Variants in EPHA6 observed in about 807,000 individuals in gnomAD.
EPHA6 encodes the protein EPH receptor A6.
A neutral mutation model predicts 112.0 loss-of-function variants in EPHA6; 50 were observed. The observed-to-expected ratio is 0.45, with a 90% CI of 0.36 to 0.56. The LOEUF (loss-of-function observed/expected upper bound fraction) is 0.56, where lower values mean the gene tolerates loss of function less well. Ranked by LOEUF, EPHA6 falls within the 20% of genes least tolerant of loss-of-function variation. The pLI, the probability that EPHA6 is intolerant of heterozygous loss-of-function variation, is 0.00. For missense variants in EPHA6, 1,280 were observed against 1,417.4 expected, an observed-to-expected ratio of 0.90 and a Z score of 1.56; for synonymous variants, 529 against 490.7, an observed-to-expected ratio of 1.08 and a Z score of -1.03.
intron 2 of EPHA6, among the ~76,000 whole-genome samples, chr3:96,909,262 A>G (rs2039092607): frequency 6.6e-6 from 1 of 151,986 alleles, no homozygotes; most frequent in African/African-American, 2.4e-5. Context: ...TACCTCTTAG[A>G]TAAGTAAGCA....
At chr3:97,253,338 G>C (rs975415610) in intron 5 of EPHA6, among the ~76,000 whole-genome samples, 2 of 152,070 alleles carry the variant, frequency 1.3e-5, no homozygotes, top group African/African-American at 4.8e-5. Context: ...AGTAATGAAA[G>C]ATTAAAAACA....
intron 14 of EPHA6, chr3:97,648,313 C>A: frequency 7.2e-7 from 1 of 1,381,502 alleles, no homozygotes; most frequent in Non-Finnish European, 1.0e-6. Context: ...AACACTTAAC[C>A]TCTGCTATTC....
intron 3 of EPHA6, among the ~76,000 whole-genome samples, chr3:97,084,404 CCT>C (rs1440728514): frequency 6.6e-6 from 1 of 151,620 alleles, no homozygotes; most frequent in Non-Finnish European, 1.5e-5. Flanking sequence ...AACACAGACT[CCT>C]CTCTATAACT....
intron 2 of EPHA6, among the ~76,000 whole-genome samples, chr3:96,883,013 A>G (rs1212629551): frequency 1.3e-5 from 2 of 152,122 alleles, no homozygotes; most frequent in African/African-American, 2.4e-5. Flanking sequence ...ACTGTTTTCC[A>G]TAGCAATTGT....
chr3:96,984,822 G>T (rs1489690057), intron 2 of EPHA6, among the ~76,000 whole-genome samples: 1 of 152,210 alleles, frequency 6.6e-6, no homozygotes, highest in Non-Finnish European at 1.5e-5. Context: ...AATGAGCAAG[G>T]CTCCGTGGGC....
chr3:97,427,706 A>G (rs1309058698), intron 6 of EPHA6, among the ~76,000 whole-genome samples: 1 of 152,140 alleles, frequency 6.6e-6, no homozygotes, highest in Non-Finnish European at 1.5e-5. Context: ...AAAATGTGGT[A>G]CATATACACC....
At chr3:97,081,324 T>C (rs1393144345) in intron 3 of EPHA6, among the ~76,000 whole-genome samples, 1 of 151,912 alleles carries the variant, frequency 6.6e-6, no homozygotes, top group Non-Finnish European at 1.5e-5. Flanking sequence ...AAAAGGATTT[T>C]ATAAATTATT....
At chr3:97,026,615 A>G (rs1248186248) in intron 3 of EPHA6, among the ~76,000 whole-genome samples, 2 of 145,208 alleles carry the variant, frequency 1.4e-5, no homozygotes, top group Admixed American at 1.3e-4. Context: ...ACAACCCCAT[A>G]AAAAATTAGG....
intron 16 of EPHA6, among the ~76,000 whole-genome samples, chr3:97,742,404 T>C (rs1236648499): frequency 6.6e-6 from 1 of 152,186 alleles, no homozygotes; most frequent in African/African-American, 2.4e-5. Flanking sequence ...GGAAATTCTT[T>C]ATAAGTATTA....
At chr3:97,506,417 C>T (rs2092254545) in intron 10 of EPHA6, among the ~76,000 whole-genome samples, 1 of 152,176 alleles carries the variant, frequency 6.6e-6, no homozygotes, top group African/African-American at 2.4e-5. Context: ...CCAGTTTTCC[C>T]AACACCATTT....
intron 5 of EPHA6, among the ~76,000 whole-genome samples, chr3:97,330,097 T>A (rs1488989810): frequency 1.3e-5 from 2 of 152,006 alleles, no homozygotes; most frequent in African/African-American, 4.8e-5. Context: ...TTTCTTGTTT[T>A]TGTCAGGTTT....
At chr3:97,312,921 A>C (rs1453856696) in intron 5 of EPHA6, among the ~76,000 whole-genome samples, 1 of 151,518 alleles carries the variant, frequency 6.6e-6, no homozygotes, top group Non-Finnish European at 1.5e-5. Context: ...TGTAGTGAGA[A>C]TATTAAAAAT....
At chr3:97,521,591 G>A (rs1174682847) in intron 10 of EPHA6, among the ~76,000 whole-genome samples, 2 of 152,094 alleles carry the variant, frequency 1.3e-5, no homozygotes, top group Admixed American at 1.3e-4. Context: ...AGAACAGCAT[G>A]GGGAAAACCA....
chr3:97,361,357 T>C (rs1026589981), intron 5 of EPHA6, among the ~76,000 whole-genome samples: 1 of 152,184 alleles, frequency 6.6e-6, no homozygotes, highest in Non-Finnish European at 1.5e-5. Context: ...AACACACAGA[T>C]GTAAATTTCA....
At chr3:97,115,116 G>C (rs930816019) in intron 3 of EPHA6, among the ~76,000 whole-genome samples, 1 of 151,872 alleles carries the variant, frequency 6.6e-6, no homozygotes, top group Non-Finnish European at 1.5e-5. Context: ...CTATCAAAAG[G>C]CCTTAAAATA....
chr3:97,359,556 C>A (rs2084260558), intron 5 of EPHA6, among the ~76,000 whole-genome samples: 1 of 150,922 alleles, frequency 6.6e-6, no homozygotes, highest in South Asian at 2.1e-4. Flanking sequence ...TGCCACAGGT[C>A]TTTTTCAGGG....
At chr3:97,226,172 A>T in intron 3 of EPHA6, 92 bp from the exon 4 acceptor site, 1 of 998,232 alleles carries the variant, frequency 1.0e-6, no homozygotes, top group Non-Finnish European at 1.4e-6. Flanking sequence ...TCTGAGATCC[A>T]ATGTGAATAT....
At chr3:96,942,113 CTGGGAGAA>C (rs2040989957) in intron 2 of EPHA6, among the ~76,000 whole-genome samples, 2 of 152,196 alleles carry the variant, frequency 1.3e-5, no homozygotes, top group Admixed American at 1.3e-4. Context: ...CAGCTGCGTG[CTGGGAGAA>C]CCACTACTCT....
intron 2 of EPHA6, among the ~76,000 whole-genome samples, chr3:96,965,245 G>C (rs2042083332): frequency 6.6e-6 from 1 of 151,998 alleles, no homozygotes; most frequent in Non-Finnish European, 1.5e-5. Flanking sequence ...CATCTACAAG[G>C]ACTCAAATAT....
Sources: gnomAD v4.1 joint callset for allele counts (sites outside exome capture counted in the v4.1 genomes callset) on GRCh38, gnomAD v4.1.1 for gene constraint, MANE v1.5 for transcripts, NCBI Gene and HGNC (gene_info 2026-07-23, HGNC 2026-07-21) for gene names.